Variants in DOCK3 observed in about 807,000 individuals in gnomAD.
DOCK3 encodes the protein dedicator of cytokinesis protein 3.
DOCK3 carries 60 observed loss-of-function variants against 265.6 expected under a neutral mutation model. That is an observed-to-expected ratio of 0.23 (90% confidence interval 0.18 to 0.28). DOCK3 has a LOEUF of 0.28. DOCK3 is among the 10% of genes least tolerant of loss of function. DOCK3 has a pLI of 1.00. For synonymous variants in DOCK3, 881 were observed against 938.0 expected, an observed-to-expected ratio of 0.94 and a Z score of 1.11; for missense variants, 1,981 against 2,594.3, an observed-to-expected ratio of 0.76 and a Z score of 5.14.
chr3:51,314,110 T>G (rs543226695), intron 31 of DOCK3, among the ~76,000 whole-genome samples: 17 of 152,296 alleles, frequency 1.1e-4, no homozygotes, highest in Admixed American at 7.2e-4. Context: ...CTCAATAGTC[T>G]CTGAAGGACT....
chr3:51,106,784 GC>G (rs142328300), intron 9 of DOCK3, among the ~76,000 whole-genome samples: 427 of 151,840 alleles, frequency 2.8e-3, no homozygotes, highest in African/African-American at 9.7e-3. Flanking sequence ...AGGAGGGGGT[GC>G]CCCCCCCAGC....
chr3:50,783,912 G>C (rs1189576519), intron 2 of DOCK3, among the ~76,000 whole-genome samples: 1 of 149,056 alleles, frequency 6.7e-6, no homozygotes, highest in African/African-American at 2.5e-5. Context: ...CTGTTTTCCA[G>C]GCTGGGGTGC....
intron 1 of DOCK3, among the ~76,000 whole-genome samples, chr3:50,722,164 C>A (rs1203376881): frequency 6.6e-6 from 1 of 152,122 alleles, no homozygotes. Flanking sequence ...AGGACATTAT[C>A]AAGTGCATAG....
intron 2 of DOCK3, among the ~76,000 whole-genome samples, chr3:50,817,597 A>G (rs2044162677): frequency 1.3e-5 from 2 of 152,040 alleles, no homozygotes; most frequent in South Asian, 2.1e-4. Context: ...GCTCCTGACC[A>G]TATTTTCATT....
chr3:51,149,028 G>A (rs2085440724), intron 10 of DOCK3, among the ~76,000 whole-genome samples: 1 of 152,120 alleles, frequency 6.6e-6, no homozygotes, highest in Non-Finnish European at 1.5e-5. Context: ...TTGAGCAGTG[G>A]TTTGTAATTC....
At chr3:51,072,022 A>G (rs2081895500) in intron 6 of DOCK3, among the ~76,000 whole-genome samples, 1 of 152,214 alleles carries the variant, frequency 6.6e-6, no homozygotes, top group Non-Finnish European at 1.5e-5. Flanking sequence ...ATTTCTCAAG[A>G]TAATGAAATT....
chr3:50,856,545 T>A (rs1195878370), intron 3 of DOCK3, among the ~76,000 whole-genome samples: 1 of 152,214 alleles, frequency 6.6e-6, no homozygotes. Flanking sequence ...ATTTGTTTTT[T>A]TTCTTGTAAA....
At chr3:51,070,266 A>G (rs141148035) in intron 6 of DOCK3, among the ~76,000 whole-genome samples, 126 of 152,364 alleles carry the variant, frequency 8.3e-4, no homozygotes, top group African/African-American at 2.8e-3. Context: ...ACACAGAATC[A>G]TCTTTCAAAC....
At chr3:50,967,373 A>G (rs147508771) in intron 5 of DOCK3, among the ~76,000 whole-genome samples, 16 of 152,140 alleles carry the variant, frequency 1.1e-4, no homozygotes, top group Admixed American at 2.0e-4. Flanking sequence ...ATAGTATGCC[A>G]TTGTGTATCT....
rs9841588 is a variant in DOCK3, at chr3:50,941,715, A to G, written c.315+7638A>G. On this transcript the variant is annotated intron_variant, in intron 5 of 52. Coordinates refer to ENST00000266037, the MANE Select transcript of DOCK3 (RefSeq NM_004947.5). Reference sequence around the variant, plus strand: ...AAAAACTGTGGACTACTACTCAGAAACAAAAAGGAGTAAATGATTAATACA... The same window carrying G: ...AAAAACTGTGGACTACTACTCAGAAGCAAAAAGGAGTAAATGATTAATACA... 2.8e-3 allele frequency among the ~76,000 whole-genome samples: 426 copies of G among 152,252 alleles called. 3 individuals carry two copies. Among genetic ancestry groups the G allele is most frequent in the African/African-American group, 9.8e-3 (408 of 41,588 alleles).
At chr3:50,756,987 A>T (rs575198290) in intron 1 of DOCK3, among the ~76,000 whole-genome samples, 2 of 151,932 alleles carry the variant, frequency 1.3e-5, no homozygotes, top group South Asian at 4.2e-4. Flanking sequence ...CAGCCTTCCA[A>T]GTAACTGGGA....
At chr3:51,077,178 T>C (rs1368005788) in intron 7 of DOCK3, among the ~76,000 whole-genome samples, 1 of 152,146 alleles carries the variant, frequency 6.6e-6, no homozygotes, top group Non-Finnish European at 1.5e-5. Flanking sequence ...GGAATTAAAA[T>C]TGATAAATTT....
intron 1 of DOCK3, among the ~76,000 whole-genome samples, chr3:50,706,487 G>A (rs1008434574): frequency 6.6e-6 from 1 of 152,088 alleles, no homozygotes; most frequent in Admixed American, 6.5e-5. Flanking sequence ...TCCCTTATAT[G>A]TTATTCGATG....
chr3:50,877,514 GCTT>G (rs770017980), intron 3 of DOCK3: 10 of 519,988 alleles, frequency 1.9e-5, no homozygotes, highest in Non-Finnish European at 3.5e-5. Flanking sequence ...GCAGTGTTTG[GCTT>G]CTGTAATGTG....
chr3:51,060,617 G>A (rs1214371949), intron 5 of DOCK3, among the ~76,000 whole-genome samples: 1 of 152,140 alleles, frequency 6.6e-6, no homozygotes, highest in Non-Finnish European at 1.5e-5. Context: ...CATATTGCTA[G>A]CCAGTTTTCC....
At chr3:50,786,398 T>C (rs895185597) in intron 2 of DOCK3, among the ~76,000 whole-genome samples, 2 of 152,194 alleles carry the variant, frequency 1.3e-5, no homozygotes, top group Non-Finnish European at 2.9e-5. Context: ...CAAGGTCGTC[T>C]TCTTGTTTAT....
At chr3:51,229,355 G>A (rs2090452716) in intron 18 of DOCK3, among the ~76,000 whole-genome samples, 157 bp from the exon 19 acceptor site, 1 of 152,152 alleles carries the variant, frequency 6.6e-6, no homozygotes, top group Non-Finnish European at 1.5e-5. Flanking sequence ...GGAGGCTGAG[G>A]CAGGAGAATC....
intron 5 of DOCK3, among the ~76,000 whole-genome samples, chr3:50,986,881 T>C (rs1051303132): frequency 6.6e-6 from 1 of 152,216 alleles, no homozygotes; most frequent in South Asian, 2.1e-4. Context: ...TAAAGCTCTA[T>C]GCATCATTTA....
intron 5 of DOCK3, among the ~76,000 whole-genome samples, chr3:50,969,079 G>T (rs950354626): frequency 1.3e-5 from 2 of 152,120 alleles, no homozygotes; most frequent in Non-Finnish European, 2.9e-5. Flanking sequence ...CAGTGGGGTG[G>T]TGAAGTTCCC....
Sources: gnomAD v4.1 joint callset for allele counts (sites outside exome capture counted in the v4.1 genomes callset) on GRCh38, gnomAD v4.1.1 for gene constraint, MANE v1.5 for transcripts, NCBI Gene and HGNC (gene_info 2026-07-23, HGNC 2026-07-21) for gene names.